The following TTC3 variants were observed in gnomAD, a reference collection of about 807,000 sequenced individuals.
The protein encoded by TTC3 is tetratricopeptide repeat domain 3.
TTC3 carries 180 observed loss-of-function variants against 249.6 expected under a neutral mutation model. The ratio of observed to expected loss-of-function variants is 0.72; its 90% confidence interval spans 0.64 to 0.82. The LOEUF is 0.82. Ranked by LOEUF, TTC3 falls within the 40% of genes least tolerant of loss-of-function variation. The pLI is 0.00. For missense variants in TTC3, 2,061 were observed against 2,398.4 expected (o/e 0.86, Z 2.94); for synonymous variants, 717 against 805.0 (o/e 0.89, Z 1.85).
chr21:37,160,787 C>T lies in TTC3; in HGVS notation c.3040-15C>T. ...GTTATTTGAGTGTTCACTGATTTTT[C>T]CCCCCATTTTTTAGTTTAGTTCAAC... is the stretch of plus-strand genomic sequence containing the variant. On this transcript the variant is annotated splice_polypyrimidine_tract_variant and intron_variant, in intron 29 of 45. Coordinates refer to ENST00000355666, the Ensembl canonical transcript of TTC3. 1 of 1,611,046 alleles carries T rather than the reference C, an allele frequency of 6.2e-7. No individual in the cohort carries two copies. The highest frequency in any genetic ancestry group is 8.5e-7 in the Non-Finnish European group (1 of 1,178,726).
At chr21:37,186,605 T>C (rs8130577) in intron 37 of TTC3, among the ~76,000 whole-genome samples, 6,748 of 152,210 alleles carry the variant, frequency 0.044, 185 homozygotes, top group Middle Eastern at 0.061. Flanking sequence ...CATTGTATTT[T>C]TTGTAGATAT....
chr21:37,103,746 G>A (rs2074764210), intron 10 of TTC3, among the ~76,000 whole-genome samples: 1 of 152,170 alleles, frequency 6.6e-6, no homozygotes, highest in African/African-American at 2.4e-5. Context: ...CAGTGGGCTG[G>A]CATTGTGAGG....
chr21:37,157,865 T>C (rs2080263409), intron 28 of TTC3, among the ~76,000 whole-genome samples: 1 of 152,238 alleles, frequency 6.6e-6, no homozygotes, highest in Non-Finnish European at 1.5e-5. Flanking sequence ...TTCTAAATGA[T>C]AATTTCTTAC....
At position 37,192,099 on chromosome 21, in the gene TTC3, T is replaced by G. The variant is rs760745862; in HGVS notation, c.5116-13T>G. On this transcript the variant is annotated splice_polypyrimidine_tract_variant and intron_variant, in intron 40 of 45. Transcript: ENST00000355666. Reference sequence around the variant, plus strand: ...CAATTGTGGTTTTCCCACACTTTACTTTCTACTCACAGTCTCAGTTTGAAG... The same window carrying G: ...CAATTGTGGTTTTCCCACACTTTACGTTCTACTCACAGTCTCAGTTTGAAG... 6 of 1,551,298 alleles carry G rather than the reference T, an allele frequency of 3.9e-6. No individual in the cohort carries two copies. In the East Asian group the frequency reaches 1.4e-4, roughly 35 times the overall value.
At position 37,190,566 on chromosome 21, in the gene TTC3, C is replaced by T. The variant is rs978166075; in HGVS notation, c.5025-768C>T. On this transcript the variant is annotated intron_variant, in intron 39 of 45. Coordinates refer to ENST00000355666, the Ensembl canonical transcript of TTC3. ...GTGGTAGTCAACCGCCTGTACTAAG[C>T]ACCCACCATAGGCTGCATTGTGGCT... 3.3e-5 allele frequency among the ~76,000 whole-genome samples: 5 copies of T among 152,310 alleles called. No individual in the cohort carries two copies. The East Asian group carries it at 7.7e-4, about 23-fold the overall frequency.
At chr21:37,191,922 A>G (rs922988781) in intron 40 of TTC3, among the ~76,000 whole-genome samples, 190 bp from the exon 41 acceptor site, 9 of 152,178 alleles carry the variant, frequency 5.9e-5, no homozygotes, top group Non-Finnish European at 8.8e-5. Context: ...TAAATTAACC[A>G]TCTTGACCTC....
chr21:37,111,281 C>G (rs983534537), intron 11 of TTC3, among the ~76,000 whole-genome samples: 1 of 152,090 alleles, frequency 6.6e-6, no homozygotes, highest in Non-Finnish European at 1.5e-5. Flanking sequence ...AGAGTCAAGA[C>G]CGATCAGTGT....
intron 18 of TTC3, among the ~76,000 whole-genome samples, chr21:37,137,762 T>A (rs1482190731): frequency 6.6e-6 from 1 of 152,196 alleles, no homozygotes; most frequent in Non-Finnish European, 1.5e-5. Flanking sequence ...AGAAACCTTT[T>A]CTGAAAGTAA....
intron 1 of TTC3, chr21:37,081,508 G>A (rs1046631434): frequency 1.3e-5 from 2 of 152,102 alleles, no homozygotes; most frequent in Non-Finnish European, 2.9e-5. Context: ...TCTAAGTCTA[G>A]ATAGAGATTA....
chr21:37,195,932 G>A lies in TTC3; in HGVS notation c.5475G>A (p.Lys1825=), dbSNP rs1200228924. Reference sequence around the variant, plus strand: ...AACGAAGCCCTGTGGCTGATCGGAAGCAGCCTGTTCCTCCAGGACGTGCTG... The same window carrying A: ...AACGAAGCCCTGTGGCTGATCGGAAACAGCCTGTTCCTCCAGGACGTGCTG... The change falls in exon 42 of 46, where the codon AAG becomes AAA. Residue 1825 remains lysine, a synonymous_variant. Coordinates refer to ENST00000355666, the Ensembl canonical transcript of TTC3. The A allele has an allele frequency of 3.1e-6, 5 of 1,614,250 alleles. No homozygotes were observed. The South Asian group carries it at 4.4e-5, about 14-fold the overall frequency.
chr21:37,073,456 C>T (rs908402939), intron 1 of TTC3: 2 of 986,556 alleles, frequency 2.0e-6, no homozygotes, highest in Non-Finnish European at 1.2e-6. Context: ...CCTTCCACAC[C>T]CCCTCCGTGG....
Position 37,095,255 on chromosome 21 carries a change from C to T in TTC3, c.688-95C>T, listed in dbSNP as rs140140240. 5.7e-4 allele frequency: 420 copies of T among 739,300 alleles called. 2 individuals are homozygous for T. The highest frequency in any genetic ancestry group is 5.4e-3 in the African/African-American group (300 of 56,032). The allele number at this position is 739,300 out of a possible 1,614,324, so 45.8% of individuals were successfully genotyped here. ...TAATCCCCTATGTTATTTCTGATAT[C>T]GAAGATAGAAATCCAGATCCATTTT... On this transcript the variant is annotated intron_variant, in intron 8 of 45. Transcript: ENST00000355666.
At chr21:37,154,088 C>T (rs572494206) in intron 27 of TTC3, among the ~76,000 whole-genome samples, 307 of 152,312 alleles carry the variant, frequency 2.0e-3, no homozygotes, top group Non-Finnish European at 3.8e-3. Flanking sequence ...TTGTGTAACA[C>T]GAGGTAGGGA....
chr21:37,137,598 GAAATGGA>G (rs2078072079), intron 18 of TTC3, among the ~76,000 whole-genome samples: 1 of 152,148 alleles, frequency 6.6e-6, no homozygotes, highest in Non-Finnish European at 1.5e-5. Flanking sequence ...GTCATTTCTT[GAAATGGA>G]ATCTACTCCT....
chr21:37,082,593 C>G, intron 1 of TTC3: 1 of 985,408 alleles, frequency 1.0e-6, no homozygotes, highest in Non-Finnish European at 1.2e-6. Context: ...GGCACCACTA[C>G]TTGTAGCACT....
chr21:37,095,399 G>T (rs760448856), exon 9 of TTC3: 6 of 1,608,458 alleles, frequency 3.7e-6, no homozygotes, highest in African/African-American at 2.7e-5. Context: ...TCCAAAGAAA[G>T]ATTTGATATA....
At chr21:37,140,997 T>A (rs907710208) in intron 20 of TTC3, among the ~76,000 whole-genome samples, 4 of 152,222 alleles carry the variant, frequency 2.6e-5, no homozygotes, top group African/African-American at 9.6e-5. Context: ...AAAATCTGAT[T>A]GTTTAATTTT....
At position 37,126,073 on chromosome 21, in the gene TTC3, T is replaced by C; in HGVS notation, c.1234-7T>C. On this transcript the variant is annotated splice_region_variant and splice_polypyrimidine_tract_variant and intron_variant, in intron 14 of 45. Transcript: ENST00000355666. ...TTTTTTTTAAGTCTCACTAATTTCATTGGCAGGTGGCGGATGAGGCGTTGA... is the reference window on the plus strand; with the variant it reads ...TTTTTTTTAAGTCTCACTAATTTCACTGGCAGGTGGCGGATGAGGCGTTGA... The C allele has an allele frequency of 6.3e-7, 1 of 1,599,988 alleles. No individual in the cohort carries two copies. The highest frequency in any genetic ancestry group is 2.2e-5 in the East Asian group (1 of 44,650).
chr21:37,140,695 TTAAGCTC>T, intron 20 of TTC3, 22 bp downstream of exon 20: 1 of 1,521,336 alleles, frequency 6.6e-7, no homozygotes, highest in Non-Finnish European at 9.0e-7. Context: ...TGACACTACT[TTAAGCTC>T]TAGGCTGGTA....
Sources: gnomAD v4.1 joint callset for allele counts (sites outside exome capture counted in the v4.1 genomes callset) on GRCh38, gnomAD v4.1.1 for gene constraint, MANE v1.5 for transcripts, NCBI Gene and HGNC (gene_info 2026-07-23, HGNC 2026-07-21) for gene names.